The following PIEZO2 variants were observed in gnomAD, a reference collection of about 807,000 sequenced individuals.
PIEZO2 encodes piezo-type mechanosensitive ion channel component 2.
PIEZO2 carries 172 observed loss-of-function variants against 337.3 expected under a neutral mutation model. That is an observed-to-expected ratio of 0.51 (90% CI 0.45 to 0.58). The LOEUF is 0.58. Among genes scored for constraint, PIEZO2 ranks in the 20% least tolerant of loss-of-function variants. The pLI, the probability that PIEZO2 is intolerant of heterozygous loss-of-function variation, is 0.00. For missense variants in PIEZO2, 3,028 were observed against 3,391.3 expected (o/e 0.89, Z 2.66); for synonymous variants, 1,251 against 1,228.5 (o/e 1.02, Z -0.38).
chr18:10,704,511 G>A lies in PIEZO2; in HGVS notation c.6141C>T (p.His2047=), dbSNP rs1337455561. 2.0e-6 allele frequency: 3 copies of A among 1,537,254 alleles called. No individual in the cohort carries two copies. Among genetic ancestry groups the A allele is most frequent in the Non-Finnish European group, 2.6e-6 (3 of 1,146,916 alleles). ...MVCYFVIILN[H]MVSASMITLL... ...GCGTGATCATGGAGGCAGAGACCAT[G>A]TGGTTGAGGATGATCACGAAGTAGC... The change falls in exon 42 of 56, where the codon CAC becomes CAT. Residue 2047 remains histidine (H), a synonymous_variant. Transcript: ENST00000674853.
At chr18:11,108,762 G>A (rs967535191) in intron 1 of PIEZO2, among the ~76,000 whole-genome samples, 7 of 152,010 alleles carry the variant, frequency 4.6e-5, no homozygotes, top group Admixed American at 1.3e-4. Context: ...ATTGAGGTGC[G>A]AGGGGAAATG....
chr18:10,813,007 G>GGA lies in PIEZO2; in HGVS notation c.918-5735_918-5734dup, dbSNP rs2040245156. On this transcript the variant is annotated intron_variant, in intron 7 of 55. Transcript: ENST00000674853. The surrounding 1 kb of genome is among the most constrained non-coding windows in gnomAD (Gnocchi z 4.2). ...AACTTTTTTTTTTTTTTCTTGAGAC[G>GGA]GAGTCTCACTCTGTCACCCGGGCTG... is the stretch of plus-strand genomic sequence containing the variant. Among the ~76,000 whole-genome samples, 1 of 148,118 alleles carries GGA rather than the reference G, an allele frequency of 6.8e-6. No homozygotes were observed. The highest frequency in any genetic ancestry group is 1.5e-5 in the Non-Finnish European group (1 of 67,486).
At chr18:10,987,858 A>G (rs763788665) in intron 2 of PIEZO2, among the ~76,000 whole-genome samples, 2 of 152,160 alleles carry the variant, frequency 1.3e-5, no homozygotes, top group Non-Finnish European at 2.9e-5. Context: ...ACAAATAACC[A>G]CATTAACAAA....
At chr18:10,972,021 G>C (rs1219787084) in intron 3 of PIEZO2, among the ~76,000 whole-genome samples, 2 of 151,878 alleles carry the variant, frequency 1.3e-5, no homozygotes, top group East Asian at 3.9e-4. Context: ...AGCTGGGTGC[G>C]GTGGCTCACA....
intron 3 of PIEZO2, among the ~76,000 whole-genome samples, chr18:10,965,911 G>A (rs998276985): frequency 1.3e-5 from 2 of 152,168 alleles, no homozygotes; most frequent in African/African-American, 4.8e-5. Context: ...TAAGGTCCAT[G>A]AGGGGAAGGA....
At chr18:11,071,948 T>C (rs4796913) in intron 1 of PIEZO2, among the ~76,000 whole-genome samples, 82,800 of 151,572 alleles carry the variant, frequency 0.55, 23,938 homozygotes, top group East Asian at 0.96. Context: ...CCCGTGCCCA[T>C]CCTGCGCTCC....
In PIEZO2 at chr18:10,758,286, T is replaced by C. The variant is rs79054145; in HGVS notation, c.3758-152A>G. Among the ~76,000 whole-genome samples the C allele has an allele frequency of 0.21, 31,730 of 152,148 alleles. 3,918 individuals are homozygous for C. The highest frequency in any genetic ancestry group is 0.28 in the South Asian group (1,365 of 4,816). On this transcript the variant is annotated intron_variant, in intron 26 of 55. Coordinates refer to ENST00000674853, the MANE Select transcript of PIEZO2 (RefSeq NM_001378183.1). ...TAGTAAAATTCATCCTGGAGTCCAA[T>C]GTCGGGGCCAAGTCACACCTTCTCC...
rs577435127 is a variant in PIEZO2, at chr18:10,859,275, C to A, written c.493-2064G>T. ...GCATGTGCAGAAAGAGGGTAAGTGTCCCCAGGCCCGTGGCCACTTCCGCTC... is the reference window on the plus strand; with the variant it reads ...GCATGTGCAGAAAGAGGGTAAGTGTACCCAGGCCCGTGGCCACTTCCGCTC... On this transcript the variant is annotated intron_variant, in intron 5 of 55. Coordinates refer to ENST00000674853, the MANE Select transcript of PIEZO2 (RefSeq NM_001378183.1). This position sits in a 1 kb window ranked among gnomAD's most constrained non-coding sequence, Gnocchi z 4.9. Among the ~76,000 whole-genome samples the A allele has an allele frequency of 2.8e-4, 42 of 152,240 alleles. No individual in the cohort carries two copies. Among genetic ancestry groups the A allele is most frequent in the African/African-American group, 9.6e-4 (40 of 41,544 alleles).
chr18:10,805,240 G>A (rs1322584124), intron 8 of PIEZO2, among the ~76,000 whole-genome samples: 1 of 152,318 alleles, frequency 6.6e-6, no homozygotes, highest in Non-Finnish European at 1.5e-5. Flanking sequence ...AGTTCCCATC[G>A]TGGTGGCTCA....
chr18:10,830,132 A>G lies in PIEZO2; in HGVS notation c.918-22858T>C, dbSNP rs2040801569. The stretch of plus-strand genomic sequence containing the variant: ...AATGGAACAGAATAGGGAAGCCAGT[A>G]ATTCATACATCTACAGTGAACTTGC... On this transcript the variant is annotated intron_variant, in intron 7 of 55. Coordinates refer to ENST00000674853, the MANE Select transcript of PIEZO2 (RefSeq NM_001378183.1). The surrounding 1 kb of genome is among the most constrained non-coding windows in gnomAD (Gnocchi z 4.7). Among the ~76,000 whole-genome samples, 1 of 152,198 alleles carries G rather than the reference A, an allele frequency of 6.6e-6. No homozygotes were observed. Among genetic ancestry groups the G allele is most frequent in the South Asian group, 2.1e-4 (1 of 4,834 alleles).
intron 36 of PIEZO2, among the ~76,000 whole-genome samples, chr18:10,722,699 T>A (rs1248851119): frequency 1.3e-5 from 2 of 152,164 alleles, no homozygotes; most frequent in African/African-American, 2.4e-5. Context: ...AAAGGGATAA[T>A]CTCAAATTGC....
At position 10,828,513 on chromosome 18, in the gene PIEZO2, A is replaced by G. The variant is rs1696533863; in HGVS notation, c.918-21239T>C. Among the ~76,000 whole-genome samples the G allele has an allele frequency of 6.6e-6, 1 of 152,160 alleles. No individual in the cohort carries two copies. The highest frequency in any genetic ancestry group is 2.1e-4 in the South Asian group (1 of 4,822). ...TCCTAAATGACCCTGGAAAAAACTG[A>G]AAGTAGAAGGTAAAATATACATAAA... On this transcript the variant is annotated intron_variant, in intron 7 of 55. Coordinates refer to ENST00000674853, the MANE Select transcript of PIEZO2 (RefSeq NM_001378183.1). This position sits in a 1 kb window ranked among gnomAD's most constrained non-coding sequence, Gnocchi z 4.1.
At chr18:10,887,097 T>G (rs1598632557) in intron 4 of PIEZO2, among the ~76,000 whole-genome samples, 1 of 115,208 alleles carries the variant, frequency 8.7e-6, no homozygotes, top group African/African-American at 3.5e-5. Flanking sequence ...TGAGACAGAG[T>G]CTCGCTGTGT....
Position 10,673,288 on chromosome 18 carries a change from TAA to T in PIEZO2, c.8162-417_8162-416del, listed in dbSNP as rs1258869483. Among the ~76,000 whole-genome samples the T allele has an allele frequency of 2.6e-5, 4 of 152,240 alleles. No homozygotes were observed. The highest frequency in any genetic ancestry group is 9.6e-5 in the African/African-American group (4 of 41,460). On this transcript the variant is annotated intron_variant, in intron 54 of 55. Coordinates refer to ENST00000674853, the MANE Select transcript of PIEZO2 (RefSeq NM_001378183.1). The surrounding 1 kb of genome is among the most constrained non-coding windows in gnomAD (Gnocchi z 4.8). ...AGGAGGAAGGCACTCAATTAGGTGCTAAAGGGTTCCAAAATTGCATATAACAT... is the reference window on the plus strand; with the variant it reads ...AGGAGGAAGGCACTCAATTAGGTGCTAGGGTTCCAAAATTGCATATAACAT...
chr18:10,807,021 G>C, intron 8 of PIEZO2, 91 bp downstream of exon 8: 1 of 1,270,432 alleles, frequency 7.9e-7, no homozygotes, highest in Non-Finnish European at 1.1e-6. Context: ...ATAGAGTATC[G>C]ATTAGTCAGT....
chr18:10,867,808 C>G (rs893198491), intron 5 of PIEZO2, among the ~76,000 whole-genome samples: 1 of 152,162 alleles, frequency 6.6e-6, no homozygotes, highest in Non-Finnish European at 1.5e-5. Flanking sequence ...TACAACTCTT[C>G]TTATTTAAGA....
Position 11,148,597 on chromosome 18 carries a change from T to C in PIEZO2, c.-9A>G. 2 of 1,536,868 alleles carry C rather than the reference T, an allele frequency of 1.3e-6. No individual in the cohort carries two copies. Among genetic ancestry groups the C allele is most frequent in the Non-Finnish European group, 1.7e-6 (2 of 1,146,814 alleles). On this transcript the variant is annotated 5_prime_UTR_variant, in exon 1 of 56. Transcript: ENST00000674853. The surrounding 1 kb of genome is among the most constrained non-coding windows in gnomAD (Gnocchi z 5.2). Reference sequence around the variant, plus strand: ...ACCACTTCTGAGGCCATCGCGTCGGTCCGGCGAGTCGGAGCAGAGGGGCGA... The same window carrying C: ...ACCACTTCTGAGGCCATCGCGTCGGCCCGGCGAGTCGGAGCAGAGGGGCGA...
chr18:10,850,098 A>G lies in PIEZO2; in HGVS notation c.917+5255T>C, dbSNP rs1363655125. On this transcript the variant is annotated intron_variant, in intron 7 of 55. Coordinates refer to ENST00000674853, the MANE Select transcript of PIEZO2 (RefSeq NM_001378183.1). The surrounding 1 kb of genome is among the most constrained non-coding windows in gnomAD (Gnocchi z 4.5). ...ATCTCTGTCACATAATAAGTCCTAC[A>G]TTTTGTTTTGGAAAATATGCTCGTG... Among the ~76,000 whole-genome samples the G allele has an allele frequency of 6.6e-6, 1 of 152,186 alleles. No homozygotes were observed. Among genetic ancestry groups the G allele is most frequent in the African/African-American group, 2.4e-5 (1 of 41,436 alleles).
chr18:11,148,503 T>A lies in PIEZO2; in HGVS notation c.64+22A>T. The A allele has an allele frequency of 1.3e-6, 2 of 1,536,852 alleles. No homozygotes were observed. Among genetic ancestry groups the A allele is most frequent in the Non-Finnish European group, 1.7e-6 (2 of 1,146,734 alleles). ...CCCCCCTCGTCCTCCTCAAGTGCCC[T>A]CGGAAAGCGGACCAGACTCACCTAC... On this transcript the variant is annotated intron_variant, in intron 1 of 55. Transcript: ENST00000674853. This position sits in a 1 kb window ranked among gnomAD's most constrained non-coding sequence, Gnocchi z 5.2.
Sources: gnomAD v4.1 joint callset for allele counts (sites outside exome capture counted in the v4.1 genomes callset) on GRCh38, gnomAD v4.1.1 for gene constraint, Gnocchi (gnomAD v3.1) non-coding constraint, MANE v1.5 for transcripts, NCBI Gene and HGNC (gene_info 2026-07-23, HGNC 2026-07-21) for gene names.